ZNF528: variants seen among roughly 807,000 people sequenced by gnomAD.
The protein encoded by ZNF528 is zinc finger protein 528.
In ZNF528, 9 loss-of-function variants were observed where a neutral mutation model predicts 13.3. That is an observed-to-expected ratio of 0.67 (90% CI 0.41 to 1.18). The LOEUF (loss-of-function observed/expected upper bound fraction) is 1.18, where lower values mean the gene tolerates loss of function less well. Ranked by LOEUF, ZNF528 falls within the 50% of genes most tolerant of loss-of-function variation. The pLI, the probability that ZNF528 is intolerant of heterozygous loss-of-function variation, is 0.01. For missense variants in ZNF528, 858 were observed against 745.4 expected (o/e 1.15, Z -1.76); for synonymous variants, 264 against 254.3 (o/e 1.04, Z -0.36).
chr19:52,416,643 A>G lies in ZNF528; in HGVS notation c.1791A>G (p.Arg597=), dbSNP rs2059008815. The change falls in exon 7 of 7, where the codon AGA becomes AGG. Residue 597 remains arginine (R), a synonymous_variant. Transcript: ENST00000360465. ...TQKSSLTNHH[R]IHIGEKPYKC... ...AGTCTTCCCTCACCAATCACCATAG[A>G]ATTCACATTGGAGAGAAACCTTACA... is the stretch of plus-strand genomic sequence containing the variant. 6.2e-7 allele frequency: 1 copy of G among 1,614,060 alleles called. No homozygotes were observed. Among genetic ancestry groups the G allele is most frequent in the African/African-American group, 1.3e-5 (1 of 74,926 alleles).
intron 4 of ZNF528, among the ~76,000 whole-genome samples, chr19:52,404,435 C>G (rs2058831047): frequency 6.6e-6 from 1 of 151,972 alleles, no homozygotes; most frequent in Non-Finnish European, 1.5e-5. Context: ...ACCATGTTGG[C>G]CAGGATGCTC....
At chr19:52,405,233 A>C (rs1258854614) in intron 4 of ZNF528, among the ~76,000 whole-genome samples, 4 of 150,924 alleles carry the variant, frequency 2.7e-5, no homozygotes, top group Admixed American at 6.6e-5. Flanking sequence ...AAAAAAAAAA[A>C]CCCAAAACTA....
chr19:52,415,246 T>G lies in ZNF528; in HGVS notation c.394T>G (p.Cys132Gly), dbSNP rs1026234387. 1 of 1,614,120 alleles carries G rather than the reference T, an allele frequency of 6.2e-7. No homozygotes were observed. The highest frequency in any genetic ancestry group is 1.7e-5 in the Admixed American group (1 of 60,014). ...LFQAERKISG[C>G]KHFEKPVSDN... ...TCAAGCTGAAAGGAAAATTTCTGGG[T>G]GTAAGCATTTTGAAAAACCCGTCAG... Residue 132 changes from cysteine (C) to glycine (G), a missense_variant, in exon 7 of 7, where the codon TGT (cysteine) becomes GGT (glycine). Transcript: ENST00000360465.
Position 52,416,455 on chromosome 19 carries a change from T to C in ZNF528, c.1603T>C (p.Tyr535His). Reference sequence around the variant, plus strand: ...TGGCAAGGTCTTTAATCAAGCATCATACCTTACAAGACATCAAATAATTCA... The same window carrying C: ...TGGCAAGGTCTTTAATCAAGCATCACACCTTACAAGACATCAAATAATTCA... ...QCGKVFNQASYLTRHQIIHTG... is the reference protein window; with the variant it reads ...QCGKVFNQASHLTRHQIIHTG... The change falls in exon 7 of 7, where the codon TAC becomes CAC. Residue 535 changes from tyrosine (Y) to histidine (H), a missense_variant. By Grantham distance (83) the Tyr-to-His change is moderately conservative. Transcript: ENST00000360465. 1 of 1,614,148 alleles carries C rather than the reference T, an allele frequency of 6.2e-7. No individual in the cohort carries two copies. Among genetic ancestry groups the C allele is most frequent in the South Asian group, 1.1e-5 (1 of 91,078 alleles).
intron 6 of ZNF528, 88 bp from the exon 7 acceptor site, chr19:52,415,036 T>A: frequency 6.3e-7 from 1 of 1,590,032 alleles, no homozygotes; most frequent in Admixed American, 1.8e-5. Context: ...AATGTCTGAG[T>A]CAGGTGAGGC....
chr19:52,399,272 T>C (rs2058763953), intron 2 of ZNF528, among the ~76,000 whole-genome samples: 1 of 152,196 alleles, frequency 6.6e-6, no homozygotes, highest in Non-Finnish European at 1.5e-5. Flanking sequence ...TTGGAAATTA[T>C]GATTGAATTG....
chr19:52,405,766 A>T (rs895292564), intron 4 of ZNF528, 141 bp from the exon 5 acceptor site: 1 of 1,097,142 alleles, frequency 9.1e-7, no homozygotes, highest in African/African-American at 1.6e-5. Flanking sequence ...ACAGACACGT[A>T]ACTGGCTCAA....
At chr19:52,410,046 T>TC (rs2058910492) in intron 6 of ZNF528, among the ~76,000 whole-genome samples, 1 of 151,834 alleles carries the variant, frequency 6.6e-6, no homozygotes, top group African/African-American at 2.4e-5. Context: ...AAGTTATCCA[T>TC]CCCCCCTTGG....
chr19:52,414,809 G>C (rs1054852860), intron 6 of ZNF528: 37 of 587,808 alleles, frequency 6.3e-5, no homozygotes, highest in Non-Finnish European at 9.5e-5. Context: ...TGTCTATACA[G>C]CTCTTCTTGG....
intron 4 of ZNF528, among the ~76,000 whole-genome samples, chr19:52,404,216 G>T (rs1820015686): frequency 6.6e-6 from 1 of 152,088 alleles, no homozygotes; most frequent in Non-Finnish European, 1.5e-5. Flanking sequence ...GATAGGAACA[G>T]ATTATTCTTT....
rs1560103 is a variant in ZNF528 at position 52,414,187 on chromosome 19, C to G, written c.272-937C>G. The G allele has an allele frequency of 6.7e-3, 4,731 of 702,306 alleles. 145 individuals carry two copies. The African/African-American group carries it at 0.069, about 10-fold the overall frequency. The allele number at this position is 702,306 out of a possible 1,614,324, so 43.5% of individuals were successfully genotyped here. A position where few individuals can be genotyped will look rare whatever the true frequency, so the allele number is the denominator to read the frequency against. Reference sequence around the variant, plus strand: ...GCCGACTCATCCAGGTTTCCCCATTCACCTTGTGAATTTCAGTTCCTCTAC... The same window carrying G: ...GCCGACTCATCCAGGTTTCCCCATTGACCTTGTGAATTTCAGTTCCTCTAC... On this transcript the variant is annotated intron_variant, in intron 6 of 6. Coordinates refer to ENST00000360465, the MANE Select transcript of ZNF528 (RefSeq NM_032423.3).
intron 4 of ZNF528, among the ~76,000 whole-genome samples, chr19:52,405,619 G>T (rs1385521343): frequency 6.6e-6 from 1 of 152,144 alleles, no homozygotes; most frequent in Non-Finnish European, 1.5e-5. Flanking sequence ...ATCACTTGGT[G>T]TGTAAAAATA....
In ZNF528 at chr19:52,415,822, C is replaced by A. The variant is rs1427818860; in HGVS notation, c.970C>A (p.Pro324Thr). The A allele has an allele frequency of 1.2e-6, 2 of 1,614,062 alleles. No homozygotes were observed. Among genetic ancestry groups the A allele is most frequent in the East Asian group, 4.5e-5 (2 of 44,874 alleles). The change falls in exon 7 of 7, where the codon CCT (proline) becomes ACT (threonine). Residue 324 changes from proline (P) to threonine (T), a missense_variant. Physicochemically the swap from Pro to Thr is conservative, Grantham distance 38 (BLOSUM62 -1). Coordinates refer to ENST00000360465, the MANE Select transcript of ZNF528 (RefSeq NM_032423.3). Reference sequence around the variant, plus strand: ...TCAAAAAATTCATACTGGAGAGAAACCTTACAGTTGTAATAAATGTGGCAA... The same window carrying A: ...TCAAAAAATTCATACTGGAGAGAAAACTTACAGTTGTAATAAATGTGGCAA... ...RHQKIHTGEK[P>T]YSCNKCGKVF...
chr19:52,408,938 C>T (rs901481464), intron 6 of ZNF528, among the ~76,000 whole-genome samples: 8 of 152,110 alleles, frequency 5.3e-5, no homozygotes, highest in African/African-American at 1.9e-4. Flanking sequence ...CTTGAATGCT[C>T]GTTTTAGCAT....
Position 52,415,855 on chromosome 19 carries a change from A to T in ZNF528, c.1003A>T (p.Ser335Cys), listed in dbSNP as rs1402987627. ...YSCNKCGKVFSRHSYLAEHQT... is the reference protein window; with the variant it reads ...YSCNKCGKVFCRHSYLAEHQT... ...TTGTAATAAATGTGGCAAGGTCTTT[A>T]GTCGCCATTCATATCTAGCAGAACA... The change falls in exon 7 of 7, where the codon AGT (serine) becomes TGT (cysteine). Residue 335 changes from serine (S) to cysteine (C), a missense_variant. Transcript: ENST00000360465. The T allele has an allele frequency of 1.2e-6, 2 of 1,613,994 alleles. No homozygotes were observed. Among genetic ancestry groups the T allele is most frequent in the Non-Finnish European group, 1.7e-6 (2 of 1,179,928 alleles).
At position 52,416,022 on chromosome 19, in the gene ZNF528, T is replaced by C. The variant is rs1161727232; in HGVS notation, c.1170T>C (p.Phe390=). The C allele has an allele frequency of 1.2e-6, 2 of 1,614,094 alleles. No homozygotes were observed. The highest frequency in any genetic ancestry group is 2.2e-5 in the East Asian group (1 of 44,874). Residue 390 remains phenylalanine (F), a synonymous_variant, in exon 7 of 7, where the codon TTT becomes TTC. Coordinates refer to ENST00000360465, the MANE Select transcript of ZNF528 (RefSeq NM_032423.3). The stretch of plus-strand genomic sequence containing the variant: ...AATGTAAAGAATGTGACAAGGTCTT[T>C]GGGCGCAAGTGTTTCCTGACCTCTC... ...PYKCKECDKV[F]GRKCFLTSHQ... is the part of the protein sequence containing the mutation.
chr19:52,410,205 A>G (rs2058913120), intron 6 of ZNF528, among the ~76,000 whole-genome samples: 1 of 152,210 alleles, frequency 6.6e-6, no homozygotes, highest in Admixed American at 6.5e-5. Flanking sequence ...GGGACTAAAC[A>G]AAGGGAACAA....
chr19:52,403,550 C>A (rs2058819702), intron 4 of ZNF528, among the ~76,000 whole-genome samples: 1 of 149,444 alleles, frequency 6.7e-6, no homozygotes, highest in South Asian at 2.1e-4. Flanking sequence ...GACCCAGCTA[C>A]TTGGGCGGCT....
chr19:52,416,229 T>C lies in ZNF528; in HGVS notation c.1377T>C (p.His459=), dbSNP rs2059002017. ...ACCTTACTGCCCATTTTCTAATCCA[T>C]AGTGGAGAGAAACCTTATGAATGTA... ...FSDLTAHFLI[H]SGEKPYECKE... is the part of the protein sequence containing the mutation. The change falls in exon 7 of 7, where the codon CAT becomes CAC. Residue 459 remains histidine, a synonymous_variant. Transcript: ENST00000360465. 1 of 1,613,808 alleles carries C rather than the reference T, an allele frequency of 6.2e-7. No individual in the cohort carries two copies. Among genetic ancestry groups the C allele is most frequent in the Non-Finnish European group, 8.5e-7 (1 of 1,179,868 alleles).
Sources: gnomAD v4.1 joint callset for allele counts (sites outside exome capture counted in the v4.1 genomes callset) on GRCh38, gnomAD v4.1.1 for gene constraint, MANE v1.5 for transcripts, NCBI Gene and HGNC (gene_info 2026-07-23, HGNC 2026-07-21) for gene names.